The following STK32B variants were observed in gnomAD, a reference collection of about 807,000 sequenced individuals.
STK32B encodes the protein serine/threonine-protein kinase 32B.
In STK32B, 43 loss-of-function variants were observed where a neutral mutation model predicts 52.6. That is an observed-to-expected ratio of 0.82 (90% CI 0.64 to 1.05). STK32B has a LOEUF of 1.05. Among genes scored for constraint, STK32B ranks in the 50% least tolerant of loss-of-function variants. The probability of loss-of-function intolerance (pLI) is 0.00; values close to 1 mark genes in which losing one functional copy is unlikely to be tolerated. For synonymous variants in STK32B, 238 were observed against 204.3 expected (o/e 1.17, Z -1.41); for missense variants, 621 against 534.6 (o/e 1.16, Z -1.59).
rs368081596 is a variant in STK32B at position 5,456,836 on chromosome 4, C to G, written c.696C>G (p.Pro232=). Residue 232 remains proline, a synonymous_variant, in exon 8 of 12, where the codon CCC becomes CCG. Coordinates refer to ENST00000282908, the MANE Select transcript of STK32B (RefSeq NM_018401.3). ...WRPYEIHSVT[P]IDEILNMFKV... is the part of the protein sequence containing the mutation. Reference sequence around the variant, plus strand: ...CGTACGAAATCCACTCGGTCACGCCCATCGATGAAATCCTCAACATGTTCA... The same window carrying G: ...CGTACGAAATCCACTCGGTCACGCCGATCGATGAAATCCTCAACATGTTCA... 136 of 1,596,386 alleles carry G rather than the reference C, an allele frequency of 8.5e-5. No individual in the cohort carries two copies. Among genetic ancestry groups the G allele is most frequent in the Non-Finnish European group, 6.0e-5 (70 of 1,169,420 alleles).
At position 5,399,991 on chromosome 4, in the gene STK32B, G is replaced by T. The variant is rs957858349; in HGVS notation, c.472+1747G>T. On this transcript the variant is annotated intron_variant, in intron 5 of 11. Coordinates refer to ENST00000282908, the MANE Select transcript of STK32B (RefSeq NM_018401.3). This position sits in a 1 kb window ranked among gnomAD's most constrained non-coding sequence, Gnocchi z 5.4. ...CTGGGTTCCAGGCAGCATCCTCAAG[G>T]CTCTGTCCTATTAAGAGAGACCGCT... 6.6e-6 allele frequency among the ~76,000 whole-genome samples: 1 copy of T among 152,150 alleles called. No individual in the cohort carries two copies. The highest frequency in any genetic ancestry group is 6.5e-5 in the Admixed American group (1 of 15,282).
chr4:5,082,968 T>C (rs1286330909), intron 1 of STK32B, among the ~76,000 whole-genome samples: 1 of 152,242 alleles, frequency 6.6e-6, no homozygotes, highest in African/African-American at 2.4e-5. Context: ...TTTTACATAA[T>C]GTTTTGGTGA....
chr4:5,374,781 G>T (rs10032668), intron 4 of STK32B, among the ~76,000 whole-genome samples: 31,407 of 145,738 alleles, frequency 0.22, 3,176 homozygotes, highest in African/African-American at 0.33. Flanking sequence ...GACGGGGGCG[G>T]GGGGGGAACA....
At chr4:5,243,836 T>C (rs1332982403) in intron 3 of STK32B, among the ~76,000 whole-genome samples, 5 of 152,072 alleles carry the variant, frequency 3.3e-5, no homozygotes, top group African/African-American at 4.8e-5. Flanking sequence ...ATTGAGATAA[T>C]CATGTGGTTT....
Position 5,395,321 on chromosome 4 carries a change from C to T in STK32B, c.435-2886C>T, listed in dbSNP as rs1736817188. Among the ~76,000 whole-genome samples the T allele has an allele frequency of 6.6e-6, 1 of 152,222 alleles. No individual in the cohort carries two copies. Among genetic ancestry groups the T allele is most frequent in the Non-Finnish European group, 1.5e-5 (1 of 68,048 alleles). The stretch of plus-strand genomic sequence containing the variant: ...CCTTTGTCAGCTTCCATGGCTAGGA[C>T]CACGTCACAGGTGAGATCATTTATT... On this transcript the variant is annotated intron_variant, in intron 4 of 11. Coordinates refer to ENST00000282908, the MANE Select transcript of STK32B (RefSeq NM_018401.3). This position sits in a 1 kb window ranked among gnomAD's most constrained non-coding sequence, Gnocchi z 4.4.
intron 3 of STK32B, among the ~76,000 whole-genome samples, chr4:5,278,817 G>A (rs1577284801): frequency 6.6e-6 from 1 of 152,240 alleles, no homozygotes; most frequent in East Asian, 1.9e-4. Flanking sequence ...TGGCAGAAGG[G>A]GAAGCAGGAA....
intron 1 of STK32B, among the ~76,000 whole-genome samples, chr4:5,133,812 C>T (rs576601837): frequency 1.3e-5 from 2 of 152,278 alleles, no homozygotes; most frequent in African/African-American, 4.8e-5. Flanking sequence ...TACTGAGTTG[C>T]CCTTTTGCTA....
chr4:5,404,679 G>A (rs1737535325), intron 5 of STK32B, among the ~76,000 whole-genome samples: 1 of 151,156 alleles, frequency 6.6e-6, no homozygotes, highest in South Asian at 2.1e-4. Context: ...TCCCACTCAG[G>A]CGTGTTACCC....
chr4:5,302,081 G>A (rs995558824), intron 3 of STK32B, among the ~76,000 whole-genome samples: 3 of 150,260 alleles, frequency 2.0e-5, no homozygotes, highest in Non-Finnish European at 3.0e-5. Context: ...TTCTTTTACT[G>A]TATTTTTGAG....
intron 4 of STK32B, among the ~76,000 whole-genome samples, chr4:5,343,256 A>G (rs555520051): frequency 6.6e-6 from 1 of 152,142 alleles, no homozygotes; most frequent in East Asian, 1.9e-4. Context: ...AGCTTCATCC[A>G]TGTCCCTACA....
At chr4:5,443,327 C>T (rs1257976246) in intron 6 of STK32B, among the ~76,000 whole-genome samples, 1 of 151,486 alleles carries the variant, frequency 6.6e-6, no homozygotes, top group African/African-American at 2.4e-5. Context: ...TTTCTCTAAA[C>T]TTCCCTTCTC....
chr4:5,459,902 C>G (rs1716894441), intron 8 of STK32B, among the ~76,000 whole-genome samples: 1 of 152,196 alleles, frequency 6.6e-6, no homozygotes, highest in African/African-American at 2.4e-5. Context: ...GCAGAAGCAG[C>G]CTGACCTCTC....
chr4:5,499,797 A>G lies in STK32B; in HGVS notation c.*714A>G, dbSNP rs897576399. The G allele has an allele frequency of 1.3e-5, 2 of 152,302 alleles. No homozygotes were observed. Among genetic ancestry groups the G allele is most frequent in the Non-Finnish European group, 2.9e-5 (2 of 68,130 alleles). The allele number at this position is 152,302 out of a possible 1,614,324, so 9.4% of individuals were successfully genotyped here. On this transcript the variant is annotated 3_prime_UTR_variant, in exon 12 of 12. Coordinates refer to ENST00000282908, the MANE Select transcript of STK32B (RefSeq NM_018401.3). ...CCACCACCATATCCCCAGTGCTGGG[A>G]TGGCACACAGGTGTCCATTCAGATG...
intron 8 of STK32B, among the ~76,000 whole-genome samples, chr4:5,457,258 C>T (rs1716626546): frequency 6.7e-6 from 1 of 148,414 alleles, no homozygotes; most frequent in African/African-American, 2.5e-5. Flanking sequence ...CTCTGTCGCC[C>T]AGGCTGGAGT....
the STK32B span, among the ~76,000 whole-genome samples, chr4:5,042,951 A>G: frequency 5.3e-3 from 806 of 151,100 alleles, 32 homozygotes; most frequent in Non-Finnish European, 1.3e-3. Flanking sequence ...CTAAAAATAC[A>G]AAAAATTAGC....
chr4:5,417,270 T>A (rs749128658), intron 6 of STK32B, among the ~76,000 whole-genome samples: 8 of 152,240 alleles, frequency 5.3e-5, no homozygotes, highest in Non-Finnish European at 7.3e-5. Context: ...TGGTGGTCAT[T>A]CTAGGTCTAC....
intron 2 of STK32B, among the ~76,000 whole-genome samples, chr4:5,155,259 C>G (rs988955150): frequency 1.4e-4 from 22 of 152,110 alleles, no homozygotes; most frequent in Non-Finnish European, 2.2e-4. Flanking sequence ...TTTCCTTGCC[C>G]TTCTCTTCCC....
At chr4:5,176,031 C>T (rs1719852855) in intron 3 of STK32B, among the ~76,000 whole-genome samples, 1 of 152,214 alleles carries the variant, frequency 6.6e-6, no homozygotes, top group Non-Finnish European at 1.5e-5. Flanking sequence ...TCGCTGTGGC[C>T]TTGCAGTTAG....
chr4:5,093,272 GACAC>G (rs1313021964), intron 1 of STK32B, among the ~76,000 whole-genome samples: 2 of 152,032 alleles, frequency 1.3e-5, no homozygotes, highest in African/African-American at 4.8e-5. Context: ...CATACACACA[GACAC>G]AGACTGTACA....
Sources: allele counts gnomAD v4.1 joint callset (sites outside exome capture counted in the v4.1 genomes callset), GRCh38; gene constraint gnomAD v4.1.1; non-coding constraint Gnocchi (gnomAD v3.1); transcripts MANE v1.5; gene names NCBI Gene and HGNC (gene_info 2026-07-23, HGNC 2026-07-21).